RYR2: variants seen among roughly 807,000 people sequenced by gnomAD.
RYR2 encodes ryanodine receptor 2, also known as cardiac muscle ryanodine receptor-calcium release channel.
RYR2 carries 227 observed loss-of-function variants against 601.1 expected under a neutral mutation model. That is an observed-to-expected ratio of 0.38 (90% confidence interval 0.34 to 0.42). The LOEUF is 0.42. RYR2 is among the 10% of genes least tolerant of loss of function. RYR2 has a pLI of 1.00. For missense variants in RYR2, 4,646 were observed against 6,156.5 expected (o/e 0.75, Z 8.21); for synonymous variants, 2,223 against 2,175.1 (o/e 1.02, Z -0.61).
chr1:237,178,120 G>A (rs1390935097), intron 1 of RYR2, among the ~76,000 whole-genome samples: 2 of 152,136 alleles, frequency 1.3e-5, no homozygotes, highest in Admixed American at 1.3e-4. Flanking sequence ...GCATTTCTCT[G>A]ATTCCTAATG....
intron 1 of RYR2, among the ~76,000 whole-genome samples, chr1:237,048,010 A>G (rs1423883712): frequency 2.6e-5 from 4 of 152,214 alleles, no homozygotes; most frequent in African/African-American, 9.6e-5. Flanking sequence ...TAGATTCGAC[A>G]GCCCTGGGCC....
At chr1:237,524,759 G>C (rs1667408422) in intron 24 of RYR2, among the ~76,000 whole-genome samples, 1 of 150,442 alleles carries the variant, frequency 6.6e-6, no homozygotes, top group African/African-American at 2.5e-5. Flanking sequence ...TATATATAGA[G>C]AGAGATTCCT....
Position 237,614,181 on chromosome 1 carries a change from C to T in RYR2, c.5053C>T (p.Leu1685Phe), listed in dbSNP as rs1231646124. 6.2e-7 allele frequency: 1 copy of T among 1,614,034 alleles called. No homozygotes were observed. Among genetic ancestry groups the T allele is most frequent in the Non-Finnish European group, 8.5e-7 (1 of 1,179,888 alleles). ...ALCSHVDEPQ[L>F]LYAIENKYMP... ...GTGCAGCCATGTGGATGAACCTCAG[C>T]TCCTCTATGCCATTGAGAACAAGTA... Residue 1685 changes from leucine (L) to phenylalanine (F), a missense_variant, in exon 37 of 105, where the codon CTC becomes TTC. Around this residue, in one of 17 missense-constraint regions of RYR2, gnomAD observed 1,807 missense variants for 2,088.1 expected, o/e 0.87. Coordinates refer to ENST00000366574, the MANE Select transcript of RYR2 (RefSeq NM_001035.3). The surrounding 1 kb of genome is among the most constrained non-coding windows in gnomAD (Gnocchi z 4.3).
intron 38 of RYR2, among the ~76,000 whole-genome samples, chr1:237,621,944 A>G (rs565294677): frequency 6.6e-6 from 1 of 152,306 alleles, no homozygotes; most frequent in Admixed American, 6.5e-5. Flanking sequence ...TTTGAGATAA[A>G]GGAATTATCC....
intron 52 of RYR2, among the ~76,000 whole-genome samples, chr1:237,655,392 A>G (rs925504216): frequency 6.6e-6 from 1 of 152,184 alleles, no homozygotes; most frequent in Non-Finnish European, 1.5e-5. Flanking sequence ...TGCAACATGG[A>G]TCAGTTAAAA....
chr1:237,300,825 C>T (rs1367684976), intron 2 of RYR2, among the ~76,000 whole-genome samples: 1 of 152,148 alleles, frequency 6.6e-6, no homozygotes, highest in East Asian at 1.9e-4. Flanking sequence ...TCTTCACTCC[C>T]ATAATGCTGA....
intron 2 of RYR2, among the ~76,000 whole-genome samples, chr1:237,316,373 G>A (rs551734015): frequency 4.9e-4 from 74 of 151,962 alleles, no homozygotes; most frequent in Non-Finnish European, 8.5e-4. Flanking sequence ...TTATTGTTAC[G>A]ATACAGAAAA....
intron 13 of RYR2, among the ~76,000 whole-genome samples, chr1:237,444,669 C>T (rs74147270): frequency 0.037 from 5,635 of 152,108 alleles, 232 homozygotes; most frequent in African/African-American, 0.11. Flanking sequence ...TTTGAGATAC[C>T]GTAATGTTTT....
In RYR2 at chr1:237,625,778, C is replaced by T. The variant is rs1464384648; in HGVS notation, c.6140C>T (p.Pro2047Leu). The change falls in exon 40 of 105, where the codon CCA becomes CTA. Residue 2047 changes from proline to leucine, a missense_variant. Physicochemically the swap from Pro to Leu is moderately conservative, Grantham distance 98. Around this residue, in one of 17 missense-constraint regions of RYR2, gnomAD observed 170 missense variants for 184.5 expected, o/e 0.92. Coordinates refer to ENST00000366574, the MANE Select transcript of RYR2 (RefSeq NM_001035.3). ...TYLKKKQAEK[P>L]VESDSKKSST... ...CTGAAGAAGAAGCAAGCAGAAAAAC[C>T]AGTTGAGAGTGACTCCAAAAAGTCC... The T allele has an allele frequency of 3.7e-6, 6 of 1,613,310 alleles. No homozygotes were observed. The highest frequency in any genetic ancestry group is 1.7e-5 in the Admixed American group (1 of 59,920).
intron 63 of RYR2, among the ~76,000 whole-genome samples, chr1:237,689,990 A>G (rs1016187751): frequency 6.6e-6 from 1 of 151,960 alleles, no homozygotes; most frequent in Admixed American, 6.6e-5. Flanking sequence ...GATTACAGGC[A>G]CACGCCACCA....
At chr1:237,773,380 A>G in intron 86 of RYR2, 140 bp from the exon 87 acceptor site, 1 of 560,182 alleles carries the variant, frequency 1.8e-6, no homozygotes, top group African/African-American at 1.9e-5. Context: ...TTGAAGAATG[A>G]TATTTACTTC....
chr1:237,077,837 C>T (rs1238403590), intron 1 of RYR2, among the ~76,000 whole-genome samples: 27 of 151,076 alleles, frequency 1.8e-4, no homozygotes, highest in African/African-American at 5.8e-4. Flanking sequence ...TTTTCAGCAC[C>T]ACACCACACC....
At chr1:237,736,226 C>T (rs1429740126) in intron 79 of RYR2, among the ~76,000 whole-genome samples, 4 of 151,778 alleles carry the variant, frequency 2.6e-5, no homozygotes, top group Admixed American at 6.6e-5. Context: ...TTTGGGAGGC[C>T]GAGGCGGATG....
At chr1:237,425,314 A>G (rs1267427188) in intron 12 of RYR2, among the ~76,000 whole-genome samples, 3 of 152,112 alleles carry the variant, frequency 2.0e-5, no homozygotes, top group Middle Eastern at 3.2e-3. Flanking sequence ...GGGATCACCA[A>G]CACCCCTCCC....
chr1:237,477,168 G>A (rs1254235675), intron 17 of RYR2, among the ~76,000 whole-genome samples: 7 of 152,260 alleles, frequency 4.6e-5, no homozygotes, highest in South Asian at 4.1e-4. Context: ...CGAGGCAGGC[G>A]GATCACGAGG....
chr1:237,182,371 C>T (rs555714231), intron 1 of RYR2, among the ~76,000 whole-genome samples: 12 of 152,134 alleles, frequency 7.9e-5, no homozygotes, highest in South Asian at 2.1e-4. Flanking sequence ...CCACCTGCCT[C>T]GGCCTCCCAA....
intron 53 of RYR2, among the ~76,000 whole-genome samples, chr1:237,657,169 G>T (rs1316726364): frequency 2.0e-5 from 3 of 152,024 alleles, no homozygotes; most frequent in African/African-American, 2.4e-5. Flanking sequence ...ATTTCTAGAC[G>T]ATTACGATTT....
At chr1:237,559,603 A>C (rs1671254384) in intron 27 of RYR2, among the ~76,000 whole-genome samples, 1 of 152,152 alleles carries the variant, frequency 6.6e-6, no homozygotes, top group African/African-American at 2.4e-5. Context: ...AACAGATTTA[A>C]AATACCTAAC....
intron 3 of RYR2, among the ~76,000 whole-genome samples, chr1:237,331,556 G>T (rs984510223): frequency 1.3e-5 from 2 of 151,520 alleles, no homozygotes; most frequent in Non-Finnish European, 2.9e-5. Context: ...AGGCTGGAGT[G>T]CAGTGGCGCG....
Sources: gnomAD v4.1 joint callset for allele counts (sites outside exome capture counted in the v4.1 genomes callset) on GRCh38, gnomAD v4.1.1 for gene constraint, gnomAD v4.1.1 regional missense constraint, Gnocchi (gnomAD v3.1) non-coding constraint, MANE v1.5 for transcripts, NCBI Gene and HGNC (gene_info 2026-07-23, HGNC 2026-07-21) for gene names.